Variants in AVPI1 observed in about 807,000 individuals in gnomAD.
AVPI1 encodes arginine vasopressin induced 1.
In AVPI1, 9 loss-of-function variants were observed where a neutral mutation model predicts 11.9. That is an observed-to-expected ratio of 0.76 (90% CI 0.46 to 1.32). The LOEUF (loss-of-function observed/expected upper bound fraction) is 1.32. Among genes scored for constraint, AVPI1 ranks in the 40% most tolerant of loss-of-function variants. AVPI1 has a pLI of 0.00. For missense variants in AVPI1, 207 were observed against 195.8 expected (o/e 1.06, Z -0.34); for synonymous variants, 68 against 78.1 (o/e 0.87, Z 0.68).
chr10:97,678,880 GGTGT>G (rs1255604041), intron 2 of AVPI1, among the ~76,000 whole-genome samples: 2 of 113,444 alleles, frequency 1.8e-5, no homozygotes, highest in Non-Finnish European at 1.8e-5. Flanking sequence ...GCGGGGGGAG[GGTGT>G]GTGTGTGTGT....
chr10:97,685,409 C>T (rs1042495873), intron 1 of AVPI1, among the ~76,000 whole-genome samples: 2 of 152,212 alleles, frequency 1.3e-5, no homozygotes, highest in Non-Finnish European at 2.9e-5. Context: ...TCAGTTCAGA[C>T]AGCTATTCTA....
rs1564779938 is a variant in AVPI1, at chr10:97,678,957, G to T, written c.287+662C>A. 9.9e-4 allele frequency among the ~76,000 whole-genome samples: 48 copies of T among 48,342 alleles called. 5 individuals are homozygous for T. Among genetic ancestry groups the T allele is most frequent in the South Asian group, 1.9e-3 (2 of 1,032 alleles). 31.7% of individuals were successfully genotyped at this position (48,342 alleles called of 152,430 possible). ...TGTGTGTGTGTGTGTGTGTGTGTGT[G>T]TGTGTGTGTGTGTGTGTGTGTGTGT... is the stretch of plus-strand genomic sequence containing the variant. On this transcript the variant is annotated intron_variant, in intron 2 of 2. Coordinates refer to ENST00000370626, the MANE Select transcript of AVPI1 (RefSeq NM_021732.3).
rs909739228 is a variant in AVPI1 at position 97,677,759 on chromosome 10, C to G, written c.*110G>C. On this transcript the variant is annotated 3_prime_UTR_variant, in exon 3 of 3. Coordinates refer to ENST00000370626, the MANE Select transcript of AVPI1 (RefSeq NM_021732.3). ...TGGAGCAGGTCAGTGGCAGCAGCCT[C>G]TTGCTTTCATTTACCCCTTTGGGCT... 1 of 1,348,704 alleles carries G rather than the reference C, an allele frequency of 7.4e-7. No individual in the cohort carries two copies. The highest frequency in any genetic ancestry group is 1.5e-5 in the African/African-American group (1 of 68,780). The allele number at this position is 1,348,704 out of a possible 1,614,324, so 83.5% of individuals were successfully genotyped here. A position where few individuals can be genotyped will look rare whatever the true frequency, so the allele number is the denominator to read the frequency against.
chr10:97,679,003 TCA>T (rs2041686957), intron 2 of AVPI1, among the ~76,000 whole-genome samples: 1 of 131,774 alleles, frequency 7.6e-6, no homozygotes, highest in African/African-American at 2.9e-5. Context: ...GTGTGTGTTT[TCA>T]GAGACAGGAT....
At chr10:97,685,393 T>A (rs1445257416) in intron 1 of AVPI1, among the ~76,000 whole-genome samples, 1 of 152,196 alleles carries the variant, frequency 6.6e-6, no homozygotes, top group Non-Finnish European at 1.5e-5. Flanking sequence ...TTGCAATATA[T>A]GAAGTTCAGT....
chr10:97,681,580 C>T (rs2041704002), intron 1 of AVPI1, among the ~76,000 whole-genome samples: 1 of 148,592 alleles, frequency 6.7e-6, no homozygotes, highest in African/African-American at 2.5e-5. Flanking sequence ...AAAACTCCGT[C>T]TTAAAAAAAA....
In AVPI1 at chr10:97,685,708, T is replaced by C. The variant is rs534814658; in HGVS notation, c.-11+1058A>G. Among the ~76,000 whole-genome samples, 11 of 152,238 alleles carry C rather than the reference T, an allele frequency of 7.2e-5. No individual in the cohort carries two copies. In the East Asian group the frequency reaches 1.7e-3, roughly 24 times the overall value. Reference sequence around the variant, plus strand: ...TGGCTCCTCAAATGGGAAGCCCAGTTCAAATCGCTGTGTGGGCTTCCCCAC... The same window carrying C: ...TGGCTCCTCAAATGGGAAGCCCAGTCCAAATCGCTGTGTGGGCTTCCCCAC... On this transcript the variant is annotated intron_variant, in intron 1 of 2. Coordinates refer to ENST00000370626, the MANE Select transcript of AVPI1 (RefSeq NM_021732.3).
rs1283364306 is a variant in AVPI1, at chr10:97,678,943, G to T, written c.287+676C>A. Among the ~76,000 whole-genome samples the T allele has an allele frequency of 5.8e-3, 242 of 41,722 alleles. 36 individuals are homozygous for T. The highest frequency in any genetic ancestry group is 0.031 in the Admixed American group (105 of 3,392). The allele number at this position is 41,722 out of a possible 152,430, so 27.4% of individuals were successfully genotyped here. A position where few individuals can be genotyped will look rare whatever the true frequency, so the allele number is the denominator to read the frequency against. ...TGTGTGTGTGTGTGTGTGTGTGTGTGTGTGTGTGTGTGTGTGTGTGTGTGT... is the reference window on the plus strand; with the variant it reads ...TGTGTGTGTGTGTGTGTGTGTGTGTTTGTGTGTGTGTGTGTGTGTGTGTGT... On this transcript the variant is annotated intron_variant, in intron 2 of 2. Transcript: ENST00000370626.
At chr10:97,685,636 G>C (rs2041725086) in intron 1 of AVPI1, among the ~76,000 whole-genome samples, 2 of 152,144 alleles carry the variant, frequency 1.3e-5, no homozygotes, top group Admixed American at 1.3e-4. Context: ...TGGGACCCTG[G>C]CCTGCTATCC....
chr10:97,678,999 GTT>G (rs1313750617), intron 2 of AVPI1, among the ~76,000 whole-genome samples: 25 of 142,164 alleles, frequency 1.8e-4, no homozygotes, highest in Admixed American at 4.4e-4. Flanking sequence ...GTGTGTGTGT[GTT>G]TTCAGAGACA....
chr10:97,685,490 G>A (rs1286255162), intron 1 of AVPI1, among the ~76,000 whole-genome samples: 1 of 152,174 alleles, frequency 6.6e-6, no homozygotes, highest in Non-Finnish European at 1.5e-5. Flanking sequence ...TGGGTGAGCT[G>A]GCAACTCCTA....
At chr10:97,678,940 T>G (rs2041684575) in intron 2 of AVPI1, among the ~76,000 whole-genome samples, 1 of 41,598 alleles carries the variant, frequency 2.4e-5, no homozygotes, top group Admixed American at 3.2e-4. Flanking sequence ...TGTGTGTGTG[T>G]GTGTGTGTGT....
At chr10:97,683,117 C>T (rs180765986) in intron 1 of AVPI1, among the ~76,000 whole-genome samples, 6 of 152,082 alleles carry the variant, frequency 3.9e-5, no homozygotes, top group East Asian at 1.9e-4. Context: ...GTGGCTTAGC[C>T]GAGGCCAGAG....
At chr10:97,682,951 A>G (rs2041711939) in intron 1 of AVPI1, among the ~76,000 whole-genome samples, 1 of 152,208 alleles carries the variant, frequency 6.6e-6, no homozygotes, top group African/African-American at 2.4e-5. Flanking sequence ...TAACACTTTT[A>G]GGCTGATAAA....
intron 1 of AVPI1, among the ~76,000 whole-genome samples, chr10:97,683,959 A>C (rs2041717048): frequency 6.6e-6 from 1 of 152,188 alleles, no homozygotes; most frequent in South Asian, 2.1e-4. Flanking sequence ...ACCCGCAGGT[A>C]AGTCTGTACA....
At chr10:97,678,920 TGTGTGTGTGTGTGTGTGTGTGTG>T (rs2041683597) in intron 2 of AVPI1, among the ~76,000 whole-genome samples, 3 of 14,482 alleles carry the variant, frequency 2.1e-4, no homozygotes, top group East Asian at 3.0e-3. Context: ...TGTGTGTGTG[TGTGTGTGTGTGTGTGTGTGTGTG>T]TGTGTGTGTG....
At chr10:97,686,268 GA>G (rs1445722158) in intron 1 of AVPI1, among the ~76,000 whole-genome samples, 1 of 152,158 alleles carries the variant, frequency 6.6e-6, no homozygotes, top group Non-Finnish European at 1.5e-5. Context: ...ATGATGAAGG[GA>G]AAGGCTGTTT....
intron 1 of AVPI1, among the ~76,000 whole-genome samples, chr10:97,681,877 T>A: frequency 8.4e-6 from 1 of 119,476 alleles, no homozygotes; most frequent in African/African-American, 3.3e-5. Flanking sequence ...AGAGCGAGAC[T>A]CCGTCTCAAA....
intron 2 of AVPI1, among the ~76,000 whole-genome samples, chr10:97,678,861 T>G (rs1052555241): frequency 3.4e-5 from 5 of 146,540 alleles, no homozygotes; most frequent in African/African-American, 1.3e-4. Flanking sequence ...CTAATTTCTC[T>G]TTTTTTTGGC....
Sources: gnomAD v4.1 joint callset for allele counts (sites outside exome capture counted in the v4.1 genomes callset) on GRCh38, gnomAD v4.1.1 for gene constraint, MANE v1.5 for transcripts, NCBI Gene and HGNC (gene_info 2026-07-23, HGNC 2026-07-21) for gene names.